Variants in FUT8 observed in about 807,000 individuals in gnomAD.
FUT8 encodes alpha-(1,6)-fucosyltransferase.
A neutral mutation model predicts 71.3 loss-of-function variants in FUT8; 29 were observed. That is an observed-to-expected ratio of 0.41 (90% CI 0.30 to 0.55). FUT8 has a LOEUF of 0.55. FUT8 is among the 20% of genes least tolerant of loss of function. FUT8 has a pLI of 0.34. For missense variants in FUT8, 544 were observed against 702.1 expected, an observed-to-expected ratio of 0.77 and a Z score of 2.55; for synonymous variants, 254 against 239.3, an observed-to-expected ratio of 1.06 and a Z score of -0.57.
At chr14:65,656,966 T>G (rs983658126) in intron 6 of FUT8, among the ~76,000 whole-genome samples, 1 of 152,140 alleles carries the variant, frequency 6.6e-6, no homozygotes, top group Non-Finnish European at 1.5e-5. Context: ...AGGAATTATA[T>G]TAGACCCCAG....
At chr14:65,671,266 G>A (rs1040506333) in intron 7 of FUT8, among the ~76,000 whole-genome samples, 38 of 152,242 alleles carry the variant, frequency 2.5e-4, no homozygotes, top group Middle Eastern at 3.4e-3. Flanking sequence ...AGCCCTGCCC[G>A]TGTGCTACAA....
At chr14:65,601,861 C>CCA (rs1287620471) in intron 3 of FUT8, among the ~76,000 whole-genome samples, 2 of 151,988 alleles carry the variant, frequency 1.3e-5, no homozygotes, top group African/African-American at 2.4e-5. Context: ...TAATATAACC[C>CCA]CATGTATTTC....
chr14:65,382,661 T>C, the FUT8 span, among the ~76,000 whole-genome samples: 20 of 152,178 alleles, frequency 1.3e-4, no homozygotes, highest in Admixed American at 1.3e-3. Flanking sequence ...ATTTCTAGCT[T>C]CACCCAGAAA....
intron 3 of FUT8, among the ~76,000 whole-genome samples, chr14:65,600,071 G>A (rs1299631932): frequency 6.6e-6 from 1 of 152,132 alleles, no homozygotes; most frequent in Admixed American, 6.5e-5. Flanking sequence ...TTGATAAACA[G>A]GATTAGTATT....
At chr14:65,480,024 GGCA>G (rs1432292872) in intron 2 of FUT8, among the ~76,000 whole-genome samples, 1 of 151,986 alleles carries the variant, frequency 6.6e-6, no homozygotes, top group Non-Finnish European at 1.5e-5. Flanking sequence ...GGTTCTGGGT[GGCA>G]TTGGAATCAG....
At chr14:65,450,468 A>G (rs1331635091) in intron 1 of FUT8, among the ~76,000 whole-genome samples, 1 of 152,208 alleles carries the variant, frequency 6.6e-6, no homozygotes, top group Non-Finnish European at 1.5e-5. Context: ...AGTCTACAGC[A>G]GATCTTGTAA....
chr14:65,503,141 C>T (rs972303322), intron 2 of FUT8, among the ~76,000 whole-genome samples: 4 of 152,308 alleles, frequency 2.6e-5, no homozygotes, highest in Non-Finnish European at 5.9e-5. Flanking sequence ...GAAATATATG[C>T]TTCTGAATAG....
chr14:65,455,406 G>A (rs970737240), intron 1 of FUT8, among the ~76,000 whole-genome samples: 24 of 152,210 alleles, frequency 1.6e-4, no homozygotes, highest in Admixed American at 1.2e-3. Context: ...AAACCACTGA[G>A]TGTTACTGAG....
At chr14:65,476,097 G>A (rs1594675266) in intron 2 of FUT8, among the ~76,000 whole-genome samples, 1 of 152,158 alleles carries the variant, frequency 6.6e-6, no homozygotes, top group Admixed American at 6.5e-5. Context: ...AAGGGTAAGA[G>A]ATGAGATAAG....
At chr14:65,406,417 A>C (rs1413928648), upstream of FUT8, among the ~76,000 whole-genome samples, 1 of 152,232 alleles carries the variant, frequency 6.6e-6, no homozygotes, top group Non-Finnish European at 1.5e-5. Flanking sequence ...GCTTTTGAGA[A>C]AATAAAAGCT....
chr14:65,579,496 G>C (rs973772695), intron 3 of FUT8, among the ~76,000 whole-genome samples: 1 of 152,104 alleles, frequency 6.6e-6, no homozygotes, highest in East Asian at 1.9e-4. Flanking sequence ...ATAATGATAG[G>C]TTAGTGTCTT....
At chr14:65,442,377 G>A (rs1053746457) in intron 1 of FUT8, among the ~76,000 whole-genome samples, 2 of 151,332 alleles carry the variant, frequency 1.3e-5, no homozygotes, top group Non-Finnish European at 2.9e-5. Flanking sequence ...GAGACATGTC[G>A]GCCAGGATGG....
intron 2 of FUT8, among the ~76,000 whole-genome samples, chr14:65,468,947 GCCA>G (rs1388884367): frequency 1.3e-5 from 2 of 151,470 alleles, no homozygotes; most frequent in South Asian, 2.1e-4. Context: ...ACAGGTGTGT[GCCA>G]CCATGCCTGG....
chr14:65,721,754 T>G (rs369979368), intron 7 of FUT8, 21 bp from the exon 8 acceptor site: 1 of 1,613,368 alleles, frequency 6.2e-7, no homozygotes. Flanking sequence ...TGGTAATGAT[T>G]ATATGTTTCA....
At chr14:65,442,237 G>A (rs1160010185) in intron 1 of FUT8, among the ~76,000 whole-genome samples, 3 of 150,992 alleles carry the variant, frequency 2.0e-5, no homozygotes, top group East Asian at 2.0e-4. Flanking sequence ...GTGCAGTGGC[G>A]CGATCTCGGC....
chr14:65,650,191 C>T (rs570012642), intron 6 of FUT8, among the ~76,000 whole-genome samples: 3 of 144,588 alleles, frequency 2.1e-5, no homozygotes, highest in South Asian at 2.3e-4. Flanking sequence ...CCCAGCTACT[C>T]GGGAGGCTGA....
chr14:65,658,051 CTT>C (rs767755929), intron 6 of FUT8, among the ~76,000 whole-genome samples: 11 of 152,254 alleles, frequency 7.2e-5, no homozygotes, highest in Non-Finnish European at 1.3e-4. Context: ...TGAGAGAAAT[CTT>C]TGCAAATCAC....
At position 65,629,241 on chromosome 14, in the gene FUT8, C is replaced by T. The variant is rs545700965; in HGVS notation, c.483-251C>T. The stretch of plus-strand genomic sequence containing the variant: ...GTAGTGCTTTGTCTGTGTTGAGAAA[C>T]AAGTGCAGCTGACTAGCTTGAACAA... On this transcript the variant is annotated intron_variant, in intron 5 of 10. Transcript: ENST00000673929. 3.9e-5 allele frequency among the ~76,000 whole-genome samples: 6 copies of T among 152,316 alleles called. No homozygotes were observed. The South Asian group carries it at 1.2e-3, about 32-fold the overall frequency.
chr14:65,564,185 T>C (rs2140053945), intron 3 of FUT8, among the ~76,000 whole-genome samples: 1 of 152,162 alleles, frequency 6.6e-6, no homozygotes, highest in Admixed American at 6.6e-5. Flanking sequence ...ATTAAGTTAA[T>C]ATTTTGTACT....
Sources: allele counts gnomAD v4.1 joint callset (sites outside exome capture counted in the v4.1 genomes callset), GRCh38; gene constraint gnomAD v4.1.1; transcripts MANE v1.5; gene names NCBI Gene and HGNC (gene_info 2026-07-23, HGNC 2026-07-21).